Variants in ERC2 observed in about 807,000 individuals in gnomAD.
ERC2 encodes ELKS/RAB6-interacting/CAST family member 2, also known as ERC protein 2.
ERC2 carries 42 observed loss-of-function variants against 114.8 expected under a neutral mutation model. The observed-to-expected ratio is 0.37, with a 90% CI of 0.29 to 0.47. The LOEUF is 0.47. Among genes scored for constraint, ERC2 ranks in the 20% least tolerant of loss-of-function variants. The probability of loss-of-function intolerance (pLI) is 0.99; values close to 1 mark genes in which losing one functional copy is unlikely to be tolerated. For synonymous variants in ERC2, 454 were observed against 425.5 expected, an observed-to-expected ratio of 1.07 and a Z score of -0.82; for missense variants, 939 against 1,150.7, an observed-to-expected ratio of 0.82 and a Z score of 2.66.
At chr3:56,111,552 G>A (rs913711709) in intron 6 of ERC2, among the ~76,000 whole-genome samples, 2 of 152,172 alleles carry the variant, frequency 1.3e-5, no homozygotes, top group Non-Finnish European at 2.9e-5. Context: ...AAAGAGAACT[G>A]TGGCACTTTA....
chr3:56,273,142 C>T (rs527465195), intron 3 of ERC2, among the ~76,000 whole-genome samples: 2 of 152,182 alleles, frequency 1.3e-5, no homozygotes, highest in East Asian at 3.9e-4. Context: ...CACTGGGTTG[C>T]TTCATCTTCC....
chr3:55,744,917 A>T (rs1362769084), intron 14 of ERC2, among the ~76,000 whole-genome samples: 1 of 152,216 alleles, frequency 6.6e-6, no homozygotes, highest in African/African-American at 2.4e-5. Flanking sequence ...AGTGCCTGAG[A>T]TGACCACACA....
intron 17 of ERC2, among the ~76,000 whole-genome samples, chr3:55,635,857 T>TTTTAA (rs1553732946): frequency 6.6e-6 from 1 of 151,056 alleles, no homozygotes; most frequent in Non-Finnish European, 1.5e-5. Flanking sequence ...TTAATTTTTA[T>TTTTAA]TTTTATTTTA....
Position 55,640,171 on chromosome 3 carries a change from A to G in ERC2, c.*39+43623T>C, listed in dbSNP as rs73830699. ...CACACCCTTGCCTTGATTTTCTGTCATCCTCTTTGGTAACTAACTTGGACT... is the reference window on the plus strand; with the variant it reads ...CACACCCTTGCCTTGATTTTCTGTCGTCCTCTTTGGTAACTAACTTGGACT... On this transcript the variant is annotated intron_variant, in intron 17 of 17. Coordinates refer to ENST00000288221, the MANE Select transcript of ERC2 (RefSeq NM_015576.3). Among the ~76,000 whole-genome samples the G allele has an allele frequency of 7.3e-3, 1,106 of 152,278 alleles. 17 individuals carry two copies. Among genetic ancestry groups the G allele is most frequent in the African/African-American group, 0.025 (1,046 of 41,556 alleles).
intron 14 of ERC2, among the ~76,000 whole-genome samples, chr3:55,827,249 GA>G (rs565912465): frequency 6.8e-6 from 1 of 147,316 alleles, no homozygotes; most frequent in South Asian, 2.2e-4. Context: ...GGGAGAAAGA[GA>G]AAGAAACAGA....
At chr3:55,566,407 C>CTATTTATTTATTTATT (rs113386431) in intron 17 of ERC2, among the ~76,000 whole-genome samples, 2,219 of 147,978 alleles carry the variant, frequency 0.015, 14 homozygotes, top group Middle Eastern at 0.024. Context: ...GCTGGTAATT[C>CTATTTATTTATTTATT]TATTTATTTA....
intron 14 of ERC2, among the ~76,000 whole-genome samples, chr3:55,862,103 G>A (rs903824234): frequency 1.3e-5 from 2 of 152,110 alleles, no homozygotes; most frequent in Non-Finnish European, 2.9e-5. Flanking sequence ...TATGTGCCAA[G>A]AACTGAGCTA....
At chr3:55,723,390 A>T (rs1273758339) in intron 15 of ERC2, among the ~76,000 whole-genome samples, 1 of 152,182 alleles carries the variant, frequency 6.6e-6, no homozygotes, top group Non-Finnish European at 1.5e-5. Flanking sequence ...ATGTATCTCT[A>T]TGCTTTCAAC....
intron 17 of ERC2, among the ~76,000 whole-genome samples, chr3:55,669,849 A>G (rs1203545786): frequency 3.9e-5 from 6 of 152,220 alleles, no homozygotes; most frequent in South Asian, 2.1e-4. Context: ...CCAGCACTCA[A>G]TGCTCAACCT....
intron 2 of ERC2, among the ~76,000 whole-genome samples, chr3:56,421,242 C>T (rs1041563937): frequency 8.5e-5 from 13 of 152,222 alleles, no homozygotes; most frequent in Admixed American, 1.3e-4. Flanking sequence ...CTTCTGGATT[C>T]GTCTTGGTCC....
At chr3:55,779,071 T>TA (rs111838589) in intron 14 of ERC2, among the ~76,000 whole-genome samples, 90 of 147,100 alleles carry the variant, frequency 6.1e-4, no homozygotes, top group African/African-American at 1.5e-3. Flanking sequence ...AACCAGGAAA[T>TA]AAAAAAAAAA....
chr3:56,014,335 T>C (rs2073161231), intron 8 of ERC2, among the ~76,000 whole-genome samples: 1 of 152,190 alleles, frequency 6.6e-6, no homozygotes, highest in Non-Finnish European at 1.5e-5. Flanking sequence ...GTCGTCTAAG[T>C]TCTCAACTCC....
intron 13 of ERC2, 115 bp downstream of exon 13, chr3:55,950,310 C>T: frequency 7.4e-7 from 1 of 1,344,294 alleles, no homozygotes; most frequent in Non-Finnish European, 1.0e-6. Context: ...GTGCTAGACT[C>T]AGGGCAAAGG....
chr3:55,514,463 A>T (rs895908158), intron 17 of ERC2, among the ~76,000 whole-genome samples: 12 of 152,234 alleles, frequency 7.9e-5, no homozygotes, highest in Non-Finnish European at 1.6e-4. Flanking sequence ...AAAATTTTTT[A>T]AAAAAGGGTG....
chr3:55,559,379 G>A (rs1326773280), intron 17 of ERC2, among the ~76,000 whole-genome samples: 1 of 152,252 alleles, frequency 6.6e-6, no homozygotes. Context: ...TCCTAGGGCA[G>A]GACTGAAGCC....
At chr3:55,602,693 C>A (rs1046836312) in intron 17 of ERC2, among the ~76,000 whole-genome samples, 1 of 152,212 alleles carries the variant, frequency 6.6e-6, no homozygotes, top group Admixed American at 6.5e-5. Flanking sequence ...CCTTGCCCCC[C>A]TTCCCATGCT....
intron 2 of ERC2, among the ~76,000 whole-genome samples, chr3:56,397,935 G>A (rs2060374801): frequency 6.6e-6 from 1 of 152,206 alleles, no homozygotes; most frequent in African/African-American, 2.4e-5. Flanking sequence ...GGGGACAAAA[G>A]AGAAGACATG....
intron 15 of ERC2, among the ~76,000 whole-genome samples, chr3:55,720,768 G>T (rs866321584): frequency 6.6e-6 from 1 of 152,150 alleles, no homozygotes; most frequent in Non-Finnish European, 1.5e-5. Flanking sequence ...TTGAGAGATT[G>T]TCACCAGAGA....
At chr3:56,167,471 T>C (rs562016377) in intron 4 of ERC2, among the ~76,000 whole-genome samples, 1 of 152,164 alleles carries the variant, frequency 6.6e-6, no homozygotes, top group South Asian at 2.1e-4. Context: ...ATAATTCTCA[T>C]CTTCTAAAAA....
Sources: gnomAD v4.1 joint callset for allele counts (sites outside exome capture counted in the v4.1 genomes callset) on GRCh38, gnomAD v4.1.1 for gene constraint, MANE v1.5 for transcripts, NCBI Gene and HGNC (gene_info 2026-07-23, HGNC 2026-07-21) for gene names.